Variants in LAMA1 observed in about 807,000 individuals in gnomAD.
The protein encoded by LAMA1 is laminin subunit alpha 1.
Under a neutral mutation model 348.7 loss-of-function variants are expected in LAMA1, and 219 were observed. The observed-to-expected ratio is 0.63, with a 90% CI of 0.56 to 0.70. The LOEUF is 0.70. LAMA1 is among the 30% of genes least tolerant of loss of function. LAMA1 has a pLI of 0.00. For missense variants in LAMA1, 3,744 were observed against 3,888.0 expected (o/e 0.96, Z 0.99); for synonymous variants, 1,487 against 1,491.0 (o/e 1.00, Z 0.06).
In LAMA1 at chr18:7,010,097, G is replaced by A. The variant is rs538664017; in HGVS notation, c.3873+103C>T. 314 of 1,341,928 alleles carry A rather than the reference G, an allele frequency of 2.3e-4. 3 individuals are homozygous for A. In the South Asian group the frequency reaches 3.2e-3, roughly 14 times the overall value. The allele number at this position is 1,341,928 out of a possible 1,614,324, so 83.1% of individuals were successfully genotyped here. ...GGTGGGATTACAGGTGTGAGCCACC[G>A]TACCTGGCTGCTCATTCTCTTATTA... On this transcript the variant is annotated intron_variant, in intron 26 of 62. Coordinates refer to ENST00000389658, the MANE Select transcript of LAMA1 (RefSeq NM_005559.4).
chr18:6,958,220 C>T (rs1002022180), intron 55 of LAMA1, among the ~76,000 whole-genome samples: 5 of 152,044 alleles, frequency 3.3e-5, no homozygotes, highest in Admixed American at 1.3e-4. Flanking sequence ...ATTAAAATCC[C>T]GGCTCTTTAT....
chr18:7,105,418 G>A (rs971099509), intron 1 of LAMA1, among the ~76,000 whole-genome samples: 6 of 151,468 alleles, frequency 4.0e-5, no homozygotes, highest in Non-Finnish European at 5.9e-5. Flanking sequence ...GAGCCTCGGC[G>A]ACAGAGTGAG....
chr18:7,037,446 T>C, intron 12 of LAMA1, 132 bp downstream of exon 12: 2 of 966,508 alleles, frequency 2.1e-6, no homozygotes, highest in Non-Finnish European at 3.3e-6. Flanking sequence ...CAGATGCAAG[T>C]ACAGGCTATG....
intron 1 of LAMA1, among the ~76,000 whole-genome samples, chr18:7,090,908 G>T (rs953172375): frequency 3.9e-5 from 6 of 152,168 alleles, no homozygotes; most frequent in African/African-American, 1.4e-4. Context: ...GCAGGGTTTT[G>T]TTAAGAGTTC....
intron 1 of LAMA1, among the ~76,000 whole-genome samples, chr18:7,097,139 G>A (rs2058264576): frequency 6.6e-6 from 1 of 152,190 alleles, no homozygotes; most frequent in South Asian, 2.1e-4. Context: ...CCAGTAGGGT[G>A]CATGCAACCG....
At position 6,999,553 on chromosome 18, in the gene LAMA1, C is replaced by G. The variant is rs747710308; in HGVS notation, c.4555G>C (p.Gly1519Arg). The stretch of plus-strand genomic sequence containing the variant: ...TGCCCAGATGTGCGGTCACAGTCAC[C>G]GTGGACAGAGCCGTGCGGGTTGCAG... Reference protein sequence around the residue: ...CDCNPHGSVHGDCDRTSGQCV... With the variant: ...CDCNPHGSVHRDCDRTSGQCV... The change falls in exon 32 of 63, where the codon GGT becomes CGT. Residue 1519 changes from glycine to arginine, a missense_variant. Gly to Arg is a moderately radical substitution (Grantham distance 125). Transcript: ENST00000389658. 26 of 1,614,014 alleles carry G rather than the reference C, an allele frequency of 1.6e-5. No homozygotes were observed. In the Middle Eastern group the frequency reaches 9.9e-4, roughly 61 times the overall value.
chr18:6,942,386 G>C (rs1474865639), intron 62 of LAMA1, 147 bp from the exon 63 acceptor site: 2 of 852,122 alleles, frequency 2.3e-6, no homozygotes, highest in African/African-American at 3.4e-5. Context: ...TTCCACATAT[G>C]TGGTGTCAGT....
At chr18:7,049,496 C>T (rs931014861) in intron 4 of LAMA1, among the ~76,000 whole-genome samples, 1 of 152,106 alleles carries the variant, frequency 6.6e-6, no homozygotes, top group Non-Finnish European at 1.5e-5. Context: ...GACAGGGTTT[C>T]ACTATATTCA....
chr18:6,994,835 T>C (rs1313025417), intron 34 of LAMA1, among the ~76,000 whole-genome samples: 1 of 152,154 alleles, frequency 6.6e-6, no homozygotes, highest in Non-Finnish European at 1.5e-5. Context: ...AATTCCCTGA[T>C]GACAGAAAAA....
chr18:7,070,471 G>A (rs1410530291), intron 3 of LAMA1, among the ~76,000 whole-genome samples: 3 of 152,052 alleles, frequency 2.0e-5, no homozygotes, highest in Non-Finnish European at 2.9e-5. Context: ...TGACCTTGTC[G>A]ATGTGCTTAA....
At chr18:7,018,336 C>CAAAAAAAAAAAAA (rs764975447) in intron 19 of LAMA1, among the ~76,000 whole-genome samples, 1 of 44,200 alleles carries the variant, frequency 2.3e-5, no homozygotes, top group African/African-American at 1.0e-4. Context: ...AACTCCATCT[C>CAAAAAAAAAAAAA]AAAAAAAAAA....
At chr18:7,038,484 A>C in intron 11 of LAMA1, 1 of 397,688 alleles carries the variant, frequency 2.5e-6, no homozygotes, top group Non-Finnish European at 4.7e-6. Context: ...CTGGGCTCCC[A>C]GGCCTGAGAG....
intron 19 of LAMA1, among the ~76,000 whole-genome samples, chr18:7,019,194 A>G (rs2057904125): frequency 6.6e-6 from 1 of 151,860 alleles, no homozygotes; most frequent in Admixed American, 6.6e-5. Context: ...TGTTCTCCCT[A>G]AAGTCTCCAG....
At chr18:7,090,884 A>G (rs1029044143) in intron 1 of LAMA1, among the ~76,000 whole-genome samples, 1 of 152,192 alleles carries the variant, frequency 6.6e-6, no homozygotes, top group African/African-American at 2.4e-5. Context: ...GGGGGTGGTA[A>G]GCAGAAGGAT....
chr18:7,057,529 C>T (rs2143739950), intron 3 of LAMA1, among the ~76,000 whole-genome samples: 1 of 140,782 alleles, frequency 7.1e-6, no homozygotes. Flanking sequence ...GGCTGGAGTG[C>T]AATGGCGTGG....
At chr18:6,953,328 A>G (rs1227927526) in intron 57 of LAMA1, among the ~76,000 whole-genome samples, 2 of 152,284 alleles carry the variant, frequency 1.3e-5, no homozygotes, top group East Asian at 1.9e-4. Context: ...ATTTTACTCA[A>G]TAATGCCCTC....
Position 6,986,246 on chromosome 18 carries a change from T to A in LAMA1, c.5270A>T (p.His1757Leu). 6.2e-7 allele frequency: 1 copy of A among 1,614,212 alleles called. No individual in the cohort carries two copies. The highest frequency in any genetic ancestry group is 8.5e-7 in the Non-Finnish European group (1 of 1,180,040). The change falls in exon 37 of 63, where the codon CAC (histidine) becomes CTC (leucine). Residue 1757 changes from histidine (H) to leucine (L), a missense_variant. Physicochemically the swap from His to Leu is moderately conservative, Grantham distance 99 (BLOSUM62 -3). This residue lies in a region of LAMA1 where 1,983 missense variants were observed against 1,934.3 expected (regional missense o/e 1.03). Transcript: ENST00000389658. Reference protein sequence around the residue: ...KEAASHVLSKHNNELKAAEAL... With the variant: ...KEAASHVLSKLNNELKAAEAL... ...CTCAGCCGCCTTTAGTTCATTGTTG[T>A]GCTTTGAAAGGACGTGGCTTGCTGC...
chr18:7,064,377 G>T (rs2058114227), intron 3 of LAMA1, among the ~76,000 whole-genome samples: 1 of 152,154 alleles, frequency 6.6e-6, no homozygotes, highest in South Asian at 2.1e-4. Context: ...AGTATTTCTA[G>T]GCAGGGGCCA....
chr18:6,986,616 A>C (rs558390863), intron 36 of LAMA1, among the ~76,000 whole-genome samples: 2 of 150,914 alleles, frequency 1.3e-5, no homozygotes, highest in Admixed American at 1.3e-4. Context: ...AGTAAATGGT[A>C]CTTATATAAG....
Sources: allele counts gnomAD v4.1 joint callset (sites outside exome capture counted in the v4.1 genomes callset), GRCh38; gene constraint gnomAD v4.1.1; regional missense constraint gnomAD v4.1.1; transcripts MANE v1.5; gene names NCBI Gene and HGNC (gene_info 2026-07-23, HGNC 2026-07-21).